The following TJP2 variants were observed in gnomAD, a reference collection of about 807,000 sequenced individuals.
TJP2 encodes the protein tight junction protein 2, also known as Friedreich ataxia region gene X104 (tight junction protein ZO-2).
TJP2 carries 91 observed loss-of-function variants against 133.1 expected under a neutral mutation model. That is an observed-to-expected ratio of 0.68 (90% CI 0.58 to 0.81). The LOEUF (loss-of-function observed/expected upper bound fraction) is 0.81. Among genes scored for constraint, TJP2 ranks in the 40% least tolerant of loss-of-function variants. TJP2 has a pLI of 0.00. For missense variants in TJP2, 1,541 were observed against 1,565.6 expected, an observed-to-expected ratio of 0.98 and a Z score of 0.26; for synonymous variants, 592 against 583.4, an observed-to-expected ratio of 1.01 and a Z score of -0.21.
At chr9:69,252,260 G>A (rs1831393429) in intron 21 of TJP2, among the ~76,000 whole-genome samples, 1 of 152,166 alleles carries the variant, frequency 6.6e-6, no homozygotes, top group South Asian at 2.1e-4. Context: ...CTCCCAAAGT[G>A]CTAGGATTAC....
Position 69,220,871 on chromosome 9 carries a change from T to C in TJP2, c.343-16T>C. On this transcript the variant is annotated splice_polypyrimidine_tract_variant and intron_variant, in intron 4 of 22. Transcript: ENST00000377245. ...GTGATTGTCCTGCGTCCACACTGAGTTTGTTTTGACAACAGGTGGTCAAGA... is the reference window on the plus strand; with the variant it reads ...GTGATTGTCCTGCGTCCACACTGAGCTTGTTTTGACAACAGGTGGTCAAGA... 1 of 1,611,472 alleles carries C rather than the reference T, an allele frequency of 6.2e-7. No individual in the cohort carries two copies. The highest frequency in any genetic ancestry group is 8.5e-7 in the Non-Finnish European group (1 of 1,179,390).
intron 1 of TJP2, among the ~76,000 whole-genome samples, chr9:69,141,965 G>A (rs1007765494): frequency 4.6e-5 from 7 of 152,202 alleles, no homozygotes; most frequent in African/African-American, 1.7e-4. Context: ...GGTTCAGAAA[G>A]GTCAGTAACT....
At chr9:69,208,338 G>C (rs1046121687) in intron 1 of TJP2, among the ~76,000 whole-genome samples, 1 of 152,052 alleles carries the variant, frequency 6.6e-6, no homozygotes, top group Non-Finnish European at 1.5e-5. Flanking sequence ...AAGAAGCCTC[G>C]CAATCTGATT....
rs201317427 is a variant in TJP2 at position 69,251,110 on chromosome 9, G to A, written c.3067G>A (p.Ala1023Thr). Residue 1023 changes from alanine (A) to threonine (T), a missense_variant, in exon 21 of 23, where the codon GCT becomes ACT. Coordinates refer to ENST00000377245, the MANE Select transcript of TJP2 (RefSeq NM_004817.4). ...YEYKSNPSAVAGNETPGASTK... is the reference protein window; with the variant it reads ...YEYKSNPSAVTGNETPGASTK... ...ATATAAGTCAAACCCCTCTGCCGTT[G>A]CTGGTAATGAAACTCCTGGGGCATC... is the stretch of plus-strand genomic sequence containing the variant. The A allele has an allele frequency of 5.6e-6, 9 of 1,614,176 alleles. No individual in the cohort carries two copies. The highest frequency in any genetic ancestry group is 7.6e-6 in the Non-Finnish European group (9 of 1,180,036).
At chr9:69,227,330 T>C (rs1829427021) in intron 7 of TJP2, among the ~76,000 whole-genome samples, 1 of 152,096 alleles carries the variant, frequency 6.6e-6, no homozygotes, top group South Asian at 2.1e-4. Flanking sequence ...CTGACCCCAA[T>C]AGCATCTGCA....
chr9:69,121,686 C>G (rs1338796791), exon 1 of TJP2: 2 of 153,168 alleles, frequency 1.3e-5, no homozygotes, highest in Admixed American at 6.6e-5. Flanking sequence ...GCCCAGCGCC[C>G]GACACCGCCG....
intron 1 of TJP2, among the ~76,000 whole-genome samples, chr9:69,185,501 G>A (rs1471973529): frequency 6.6e-6 from 1 of 152,160 alleles, no homozygotes; most frequent in African/African-American, 2.4e-5. Flanking sequence ...TGTGATTCTA[G>A]GTACTTTTCT....
At chr9:69,225,192 C>G in intron 5 of TJP2, 112 bp from the exon 6 acceptor site, 1 of 720,458 alleles carries the variant, frequency 1.4e-6, no homozygotes, top group East Asian at 2.8e-5. Context: ...ACAGAATTTC[C>G]CATATACAAA....
chr9:69,225,008 A>G (rs889855006), intron 5 of TJP2, among the ~76,000 whole-genome samples: 2 of 152,206 alleles, frequency 1.3e-5, no homozygotes, highest in Non-Finnish European at 2.9e-5. Context: ...GTTCATTTTC[A>G]GATTGCTCCA....
intron 11 of TJP2, 144 bp from the exon 12 acceptor site, chr9:69,234,295 T>TGGACATTAAGGAC: frequency 1.5e-6 from 1 of 678,760 alleles, no homozygotes; most frequent in Non-Finnish European, 2.4e-6. Context: ...CATTTGCATC[T>TGGACATTAAGGAC]TGGCTTTGCT....
At chr9:69,169,369 T>TG (rs369706065), upstream of TJP2, among the ~76,000 whole-genome samples, 48,980 of 118,688 alleles carry the variant, frequency 0.41, 9,228 homozygotes, top group East Asian at 0.63. Context: ...TTTTTTTTTT[T>TG]GGGGGGGGGA....
rs540167347 is a variant in TJP2, at chr9:69,213,612, A to C, written c.114+1011A>C. On this transcript the variant is annotated intron_variant, in intron 2 of 22. Transcript: ENST00000377245. Reference sequence around the variant, plus strand: ...GTTGAATTAATCCAGGTAGAAAAAAATGTCTCTGGGCCAGTGCCCAGGTAC... The same window carrying C: ...GTTGAATTAATCCAGGTAGAAAAAACTGTCTCTGGGCCAGTGCCCAGGTAC... Among the ~76,000 whole-genome samples the C allele has an allele frequency of 2.0e-5, 3 of 152,248 alleles. No individual in the cohort carries two copies. The East Asian group carries it at 5.8e-4, about 29-fold the overall frequency.
intron 21 of TJP2, among the ~76,000 whole-genome samples, 197 bp from the exon 22 acceptor site, chr9:69,252,618 T>TA (rs1831418083): frequency 1.3e-5 from 2 of 152,286 alleles, no homozygotes; most frequent in Admixed American, 1.3e-4. Context: ...TCATTCCTTT[T>TA]AAATAGTTTT....
rs1830249167 is a variant in TJP2 at position 69,237,150 on chromosome 9, A to T, written c.2179+14A>T. The T allele has an allele frequency of 1.2e-6, 2 of 1,613,854 alleles. No individual in the cohort carries two copies. Among genetic ancestry groups the T allele is most frequent in the African/African-American group, 2.7e-5 (2 of 74,904 alleles). ...TGCTGCGAGAAGGTGAGGAAGTCAC[A>T]TGGGGCCTGGAAATGAACTGACTGG... On this transcript the variant is annotated intron_variant, in intron 14 of 22. Transcript: ENST00000377245.
intron 1 of TJP2, among the ~76,000 whole-genome samples, chr9:69,184,912 G>A (rs2133021729): frequency 6.6e-6 from 1 of 152,034 alleles, no homozygotes; most frequent in East Asian, 1.9e-4. Context: ...ACCATACCTG[G>A]CTAATTTTTA....
chr9:69,143,197 C>G (rs1340336197), intron 1 of TJP2, among the ~76,000 whole-genome samples: 1 of 152,178 alleles, frequency 6.6e-6, no homozygotes, highest in Admixed American at 6.5e-5. Context: ...AGATAAGAAT[C>G]ACTTTGTAAG....
intron 1 of TJP2, among the ~76,000 whole-genome samples, chr9:69,148,446 C>T (rs11145442): frequency 0.19 from 27,977 of 149,344 alleles, 2,679 homozygotes; most frequent in Middle Eastern, 0.24. Flanking sequence ...AGGATCTTGG[C>T]TCACTGTAAT....
intron 1 of TJP2, among the ~76,000 whole-genome samples, chr9:69,193,814 T>A (rs1826370484): frequency 6.6e-6 from 1 of 151,850 alleles, no homozygotes; most frequent in Admixed American, 6.6e-5. Flanking sequence ...CCCCTCCCTG[T>A]CTCTTGTCTT....
intron 1 of TJP2, among the ~76,000 whole-genome samples, chr9:69,186,839 A>G (rs1170100444): frequency 2.0e-5 from 3 of 152,242 alleles, no homozygotes; most frequent in Admixed American, 6.5e-5. Flanking sequence ...AATATTACAC[A>G]AAAGTTAGGG....
Sources: allele counts gnomAD v4.1 joint callset (sites outside exome capture counted in the v4.1 genomes callset), GRCh38; gene constraint gnomAD v4.1.1; transcripts MANE v1.5; gene names NCBI Gene and HGNC (gene_info 2026-07-23, HGNC 2026-07-21).